CNBD1: variants seen among roughly 807,000 people sequenced by gnomAD.
CNBD1 encodes cyclic nucleotide binding domain containing 1, also known as cyclic nucleotide-binding domain-containing protein 1.
Under a neutral mutation model 54.4 loss-of-function variants are expected in CNBD1, and 71 were observed. The observed-to-expected ratio is 1.30, with a 90% confidence interval of 1.08 to 1.59. CNBD1 has a LOEUF of 1.59. Ranked by LOEUF, CNBD1 falls within the 40% of genes most tolerant of loss-of-function variation. CNBD1 has a pLI of 0.00. For synonymous variants in CNBD1, 182 were observed against 170.7 expected (o/e 1.07, Z -0.51); for missense variants, 659 against 518.0 (o/e 1.27, Z -2.64).
chr8:86,975,943 T>C (rs1020188861), intron 4 of CNBD1, among the ~76,000 whole-genome samples: 2 of 151,994 alleles, frequency 1.3e-5, no homozygotes, highest in Admixed American at 6.6e-5. Context: ...TGAGGTGATA[T>C]TTCATTTTGG....
chr8:87,328,662 C>T (rs1799544621), intron 8 of CNBD1, among the ~76,000 whole-genome samples: 1 of 151,988 alleles, frequency 6.6e-6, no homozygotes, highest in Non-Finnish European at 1.5e-5. Context: ...GTTTTAAATA[C>T]AAATTTCATC....
intron 4 of CNBD1, among the ~76,000 whole-genome samples, chr8:87,193,434 C>G (rs1170954850): frequency 3.3e-5 from 5 of 152,136 alleles, no homozygotes; most frequent in African/African-American, 4.8e-5. Context: ...TAATCTTAGT[C>G]CGTCTTTAAT....
intron 10 of CNBD1, among the ~76,000 whole-genome samples, chr8:87,357,530 G>A (rs756060615): frequency 5.3e-5 from 8 of 152,104 alleles, no homozygotes; most frequent in Non-Finnish European, 8.8e-5. Context: ...CATGGGGAAT[G>A]TTTCCCCTAT....
chr8:87,137,975 A>G (rs2130735278), intron 4 of CNBD1, among the ~76,000 whole-genome samples: 1 of 152,178 alleles, frequency 6.6e-6, no homozygotes, highest in East Asian at 1.9e-4. Flanking sequence ...AAAAAGGAGA[A>G]GCATAATCTT....
At chr8:87,426,378 A>T (rs1412935829) in intron 2 of CNBD1, among the ~76,000 whole-genome samples, 3 of 152,220 alleles carry the variant, frequency 2.0e-5, no homozygotes, top group Non-Finnish European at 4.4e-5. Context: ...TAAATGCAAC[A>T]TCATGATCGG....
intron 1 of CNBD1, among the ~76,000 whole-genome samples, chr8:86,875,287 A>G (rs1808503433): frequency 6.6e-6 from 1 of 151,926 alleles, no homozygotes; most frequent in Non-Finnish European, 1.5e-5. Flanking sequence ...GGTTGTTCTG[A>G]GACTCTGCAC....
intron 8 of CNBD1, among the ~76,000 whole-genome samples, chr8:87,331,014 G>T (rs1373787198): frequency 5.9e-5 from 9 of 151,998 alleles, no homozygotes; most frequent in African/African-American, 1.7e-4. Flanking sequence ...TGATATAGTT[G>T]CTCTAATATT....
chr8:87,351,798 A>G lies in CNBD1; in HGVS notation c.1152+4A>G. ...GAAACTACGATCAAATAAAGTGGTAAGTTTTCAACATGTATTCTTTTTAAT... is the reference window on the plus strand; with the variant it reads ...GAAACTACGATCAAATAAAGTGGTAGGTTTTCAACATGTATTCTTTTTAAT... On this transcript the variant is annotated splice_donor_region_variant and intron_variant, in intron 9 of 10. Transcript: ENST00000518476. 3 of 1,473,704 alleles carry G rather than the reference A, an allele frequency of 2.0e-6. No homozygotes were observed. The highest frequency in any genetic ancestry group is 2.7e-6 in the Non-Finnish European group (3 of 1,116,336). The allele number at this position is 1,473,704 out of a possible 1,614,324, so 91.3% of individuals were successfully genotyped here.
intron 4 of CNBD1, among the ~76,000 whole-genome samples, chr8:87,112,761 C>T (rs563169051): frequency 6.6e-6 from 1 of 152,224 alleles, no homozygotes; most frequent in Admixed American, 6.5e-5. Flanking sequence ...ACACTTTGTC[C>T]AGTGGTGGGG....
intron 4 of CNBD1, among the ~76,000 whole-genome samples, chr8:87,025,285 C>A (rs75237089): frequency 6.6e-6 from 1 of 152,236 alleles, no homozygotes; most frequent in Middle Eastern, 3.4e-3. Context: ...AAGCTGGCCA[C>A]CCCAGCCAGC....
At chr8:87,344,005 G>T (rs1331149568) in intron 8 of CNBD1, among the ~76,000 whole-genome samples, 1 of 151,920 alleles carries the variant, frequency 6.6e-6, no homozygotes, top group Non-Finnish European at 1.5e-5. Context: ...CTTAGGTTTT[G>T]ATTTGAGCAC....
At chr8:87,265,331 G>A (rs775365944) in intron 6 of CNBD1, among the ~76,000 whole-genome samples, 4 of 152,000 alleles carry the variant, frequency 2.6e-5, no homozygotes, top group Non-Finnish European at 5.9e-5. Context: ...CGTTATTTCT[G>A]AGGGCTCTGT....
chr8:87,298,245 TA>T (rs1808917619), intron 8 of CNBD1, among the ~76,000 whole-genome samples: 1 of 152,074 alleles, frequency 6.6e-6, no homozygotes, highest in African/African-American at 2.4e-5. Flanking sequence ...GTTTATAGTT[TA>T]AAAATTATAT....
chr8:87,081,369 C>T (rs1810987001), intron 4 of CNBD1, among the ~76,000 whole-genome samples: 1 of 152,132 alleles, frequency 6.6e-6, no homozygotes. Context: ...ACATACTTCA[C>T]ATGATGTGTT....
chr8:87,377,526 C>T (rs1303963598), intron 10 of CNBD1, among the ~76,000 whole-genome samples: 5 of 151,928 alleles, frequency 3.3e-5, no homozygotes, highest in Non-Finnish European at 4.4e-5. Flanking sequence ...TGTATATGTG[C>T]CACATTTTCT....
intron 4 of CNBD1, among the ~76,000 whole-genome samples, chr8:86,971,534 AGAC>A (rs1393836985): frequency 1.3e-5 from 2 of 152,196 alleles, no homozygotes; most frequent in Non-Finnish European, 2.9e-5. Flanking sequence ...ATAACTGATG[AGAC>A]AATTTATTAC....
chr8:87,238,764 C>G (rs1446758263), intron 6 of CNBD1, among the ~76,000 whole-genome samples: 4 of 152,072 alleles, frequency 2.6e-5, no homozygotes, highest in Admixed American at 2.6e-4. Context: ...TTTCTGCCCT[C>G]TAACTGTTGA....
chr8:87,369,428 CTG>C lies in CNBD1; in HGVS notation c.1304-13191_1304-13190del, dbSNP rs200896296. On this transcript the variant is annotated intron_variant, in intron 10 of 10. Transcript: ENST00000518476. ...CATGCTCTTTATTTTTCATGTGGAA[CTG>C]AATTACCACATTCTATCCTTCCTTT... Among the ~76,000 whole-genome samples the C allele has an allele frequency of 7.5e-3, 1,143 of 152,128 alleles. 15 individuals are homozygous for C. Among genetic ancestry groups the C allele is most frequent in the African/African-American group, 0.026 (1,081 of 41,530 alleles).
chr8:87,102,480 T>A (rs1811448249), intron 4 of CNBD1, among the ~76,000 whole-genome samples: 1 of 152,214 alleles, frequency 6.6e-6, no homozygotes, highest in African/African-American at 2.4e-5. Flanking sequence ...TGGGCAAGAT[T>A]GCAGGTAGCC....
Sources: allele counts gnomAD v4.1 joint callset (sites outside exome capture counted in the v4.1 genomes callset), GRCh38; gene constraint gnomAD v4.1.1; transcripts MANE v1.5; gene names NCBI Gene and HGNC (gene_info 2026-07-23, HGNC 2026-07-21).